The following UFD1 variants were observed in gnomAD, a reference collection of about 807,000 sequenced individuals.
The protein encoded by UFD1 is ubiquitin recognition factor in ER associated degradation 1, also known as ubiquitin recognition factor in ER-associated degradation protein 1.
A neutral mutation model predicts 45.9 loss-of-function variants in UFD1; 13 were observed. The observed-to-expected ratio is 0.28, with a 90% CI of 0.18 to 0.45. The LOEUF is 0.45. Among genes scored for constraint, UFD1 ranks in the 20% least tolerant of loss-of-function variants. The pLI, the probability that UFD1 is intolerant of heterozygous loss-of-function variation, is 1.00. For synonymous variants in UFD1, 128 were observed against 139.2 expected (o/e 0.92, Z 0.56); for missense variants, 218 against 389.2 (o/e 0.56, Z 3.70).
At chr22:19,468,761 C>T (rs949617494) in intron 4 of UFD1, among the ~76,000 whole-genome samples, 4 of 152,174 alleles carry the variant, frequency 2.6e-5, no homozygotes, top group Non-Finnish European at 5.9e-5. Context: ...ACAGTGCTCA[C>T]GTCGTGGCTC....
At chr22:19,474,311 G>A (rs912858114) in intron 3 of UFD1, among the ~76,000 whole-genome samples, 4 of 152,142 alleles carry the variant, frequency 2.6e-5, no homozygotes, top group South Asian at 4.1e-4. Flanking sequence ...TTGGGAGGCC[G>A]AGGCAGGCAG....
chr22:19,462,769 C>T (rs1270038394), intron 6 of UFD1, among the ~76,000 whole-genome samples: 1 of 152,120 alleles, frequency 6.6e-6, no homozygotes, highest in Admixed American at 6.5e-5. Flanking sequence ...CTTTATATGG[C>T]AACATTTACC....
At chr22:19,465,315 A>C in intron 5 of UFD1, 41 bp from the exon 6 acceptor site, 2 of 1,562,786 alleles carry the variant, frequency 1.3e-6, no homozygotes, top group Non-Finnish European at 1.8e-6. Flanking sequence ...CAAGATGGAT[A>C]CCTTAATCTG....
At chr22:19,461,932 G>C (rs934139965) in intron 6 of UFD1, among the ~76,000 whole-genome samples, 3 of 151,896 alleles carry the variant, frequency 2.0e-5, no homozygotes, top group African/African-American at 7.3e-5. Context: ...TATCTTTCAA[G>C]ATATTTGCTT....
At chr22:19,478,069 C>CT (rs13447172) in intron 1 of UFD1, among the ~76,000 whole-genome samples, 254 of 152,314 alleles carry the variant, frequency 1.7e-3, no homozygotes, top group Middle Eastern at 3.4e-3. Flanking sequence ...CATTTCTTCT[C>CT]TTTGAATATA....
intron 6 of UFD1, among the ~76,000 whole-genome samples, chr22:19,464,833 A>C (rs1271096052): frequency 6.6e-6 from 1 of 152,228 alleles, no homozygotes; most frequent in African/African-American, 2.4e-5. Flanking sequence ...CAGGTATCCC[A>C]AGGACAAGGA....
intron 7 of UFD1, among the ~76,000 whole-genome samples, chr22:19,457,200 A>C (rs891010614): frequency 6.6e-6 from 1 of 152,168 alleles, no homozygotes; most frequent in African/African-American, 2.4e-5. Context: ...TACACAATGT[A>C]ATCACTGTGT....
chr22:19,475,490 T>C lies in UFD1; in HGVS notation c.116A>G (p.Asp39Gly), dbSNP rs376450944. ...SMLAGPNDRSDVEKGGKIIMP... is the reference protein window; with the variant it reads ...SMLAGPNDRSGVEKGGKIIMP... ...CATACTCTTCCCTCCTTTCTCCACA[T>C]CTGACCTGTCATTAGGCCCTGCTAG... is the stretch of plus-strand genomic sequence containing the variant. The change falls in exon 2 of 12, where the codon GAT becomes GGT. Residue 39 changes from aspartate (D) to glycine (G), a missense_variant. This residue lies in a region of UFD1 where 149 missense variants were observed against 307.5 expected (regional missense o/e 0.48). Transcript: ENST00000263202. The C allele has an allele frequency of 1.2e-6, 2 of 1,613,880 alleles. No individual in the cohort carries two copies. The highest frequency in any genetic ancestry group is 2.7e-5 in the African/African-American group (2 of 74,898).
chr22:19,469,783 G>A, intron 4 of UFD1: 1 of 449,912 alleles, frequency 2.2e-6, no homozygotes, highest in East Asian at 7.0e-5. Context: ...TGGAAGGCCA[G>A]CTCAGGGGAA....
At position 19,479,186 on chromosome 22, in the gene UFD1, G is replaced by A. The variant is rs2146318591; in HGVS notation, c.-101C>T. On this transcript the variant is annotated 5_prime_UTR_variant, in exon 1 of 12. Coordinates refer to ENST00000263202, the MANE Select transcript of UFD1 (RefSeq NM_005659.7). ...GCCGCTGCCGCTGCCGCCGCGCCAAGCCGGTACGCCCCAGAGGCTCACCGG... is the reference window on the plus strand; with the variant it reads ...GCCGCTGCCGCTGCCGCCGCGCCAAACCGGTACGCCCCAGAGGCTCACCGG... 6.3e-7 allele frequency: 1 copy of A among 1,576,152 alleles called. No homozygotes were observed. Among genetic ancestry groups the A allele is most frequent in the Middle Eastern group, 1.7e-4 (1 of 6,000 alleles).
Position 19,474,565 on chromosome 22 carries a change from T to TA in UFD1, c.169+502dup, listed in dbSNP as rs1292204161. On this transcript the variant is annotated intron_variant, in intron 3 of 11. Transcript: ENST00000263202. ...CTGTCTCAAAAAATAAATAAATAAA[T>TA]AAATAAAAGAAAAGAAATGGGGGTC... Among the ~76,000 whole-genome samples, 33 of 151,770 alleles carry TA rather than the reference T, an allele frequency of 2.2e-4. 1 individual carries two copies. Among genetic ancestry groups the TA allele is most frequent in the African/African-American group, 7.7e-4 (32 of 41,392 alleles).
intron 5 of UFD1, chr22:19,466,492 A>C (rs927154833): frequency 4.6e-5 from 7 of 152,184 alleles, no homozygotes; most frequent in African/African-American, 1.7e-4. Context: ...ACACACTAAC[A>C]AGTTAATTGT....
intron 5 of UFD1, 140 bp downstream of exon 5, chr22:19,467,733 C>T (rs760584969): frequency 6.9e-7 from 1 of 1,451,562 alleles, no homozygotes; most frequent in Non-Finnish European, 9.3e-7. Context: ...TAGCTGAACC[C>T]CATTATTCTC....
At chr22:19,459,834 G>A (rs1017222446) in intron 6 of UFD1, among the ~76,000 whole-genome samples, 2 of 149,548 alleles carry the variant, frequency 1.3e-5, no homozygotes, top group Admixed American at 6.7e-5. Flanking sequence ...CGCCTCCCGG[G>A]TTCCAGCGAT....
intron 4 of UFD1, 43 bp downstream of exon 4, chr22:19,471,644 G>A: frequency 6.2e-7 from 1 of 1,603,228 alleles, no homozygotes; most frequent in Non-Finnish European, 8.5e-7. Context: ...AGATGTCTCT[G>A]CCTAAGTGGC....
chr22:19,459,403 A>G lies in UFD1; in HGVS notation c.496-1264T>C, dbSNP rs145725597. ...GCCGAGGAGGGCAGATCACGAGGTC[A>G]GGCAAATGAGACCATCCTTGCTAAC... is the stretch of plus-strand genomic sequence containing the variant. On this transcript the variant is annotated intron_variant, in intron 6 of 11. Transcript: ENST00000263202. 1.8e-4 allele frequency among the ~76,000 whole-genome samples: 27 copies of G among 152,300 alleles called. No individual in the cohort carries two copies. In the East Asian group the frequency reaches 5.0e-3, roughly 28 times the overall value.
At chr22:19,456,476 G>A (rs2089723714) in intron 9 of UFD1, 111 bp downstream of exon 9, 26 of 1,439,200 alleles carry the variant, frequency 1.8e-5, no homozygotes, top group Non-Finnish European at 2.5e-5. Context: ...GTACCCAGAG[G>A]CCTAACCCCT....
In UFD1 at chr22:19,461,676, T is replaced by C. The variant is rs374602902; in HGVS notation, c.495+3526A>G. 3.8e-4 allele frequency among the ~76,000 whole-genome samples: 58 copies of C among 152,360 alleles called. 1 individual carries two copies. Among genetic ancestry groups the C allele is most frequent in the African/African-American group, 1.4e-3 (57 of 41,600 alleles). The stretch of plus-strand genomic sequence containing the variant: ...AGTTGGGGGATATGTTCTTTCTCTA[T>C]TTTTAGAATATCTAAGAGCAATTTA... On this transcript the variant is annotated intron_variant, in intron 6 of 11. Coordinates refer to ENST00000263202, the MANE Select transcript of UFD1 (RefSeq NM_005659.7).
At chr22:19,474,980 G>C (rs1443851017) in intron 3 of UFD1, 88 bp downstream of exon 3, 1 of 1,292,396 alleles carries the variant, frequency 7.7e-7, no homozygotes, top group Admixed American at 2.1e-5. Flanking sequence ...AAGGGCACTG[G>C]TGTCTGGATG....
Sources: gnomAD v4.1 joint callset for allele counts (sites outside exome capture counted in the v4.1 genomes callset) on GRCh38, gnomAD v4.1.1 for gene constraint, gnomAD v4.1.1 regional missense constraint, MANE v1.5 for transcripts, NCBI Gene and HGNC (gene_info 2026-07-23, HGNC 2026-07-21) for gene names.